AGPS: variants seen among roughly 807,000 people sequenced by gnomAD.
The protein encoded by AGPS is alkyldihydroxyacetonephosphate synthase, peroxisomal.
AGPS carries 26 observed loss-of-function variants against 90.7 expected under a neutral mutation model. That is an observed-to-expected ratio of 0.29 (90% CI 0.21 to 0.40). The LOEUF (loss-of-function observed/expected upper bound fraction) is 0.40, where lower values mean the gene tolerates loss of function less well. Among genes scored for constraint, AGPS ranks in the 10% least tolerant of loss-of-function variants. The pLI, the probability that AGPS is intolerant of heterozygous loss-of-function variation, is 1.00. For missense variants in AGPS, 540 were observed against 816.1 expected, an observed-to-expected ratio of 0.66 and a Z score of 4.12; for synonymous variants, 294 against 285.3, an observed-to-expected ratio of 1.03 and a Z score of -0.31.
Position 177,538,909 on chromosome 2 carries a change from A to T in AGPS, c.*714A>T, listed in dbSNP as rs2079207483. 6.6e-6 allele frequency: 1 copy of T among 152,032 alleles called. No individual in the cohort carries two copies. The highest frequency in any genetic ancestry group is 1.5e-5 in the Non-Finnish European group (1 of 67,954). The allele number at this position is 152,032 out of a possible 1,614,324, so 9.4% of individuals were successfully genotyped here. ...TATTGTTATATTCTAATTCATTGAT[A>T]ATATGTTTTGTAAGAAAAGCTGACA... On this transcript the variant is annotated 3_prime_UTR_variant, in exon 20 of 20. Coordinates refer to ENST00000264167, the MANE Select transcript of AGPS (RefSeq NM_003659.4).
intron 12 of AGPS, among the ~76,000 whole-genome samples, chr2:177,496,610 A>G (rs1034435632): frequency 5.9e-5 from 9 of 152,106 alleles, no homozygotes; most frequent in African/African-American, 2.2e-4. Context: ...TTAATGCCTC[A>G]GGTATAGCAT....
At chr2:177,528,912 A>G (rs1192171333) in intron 19 of AGPS, among the ~76,000 whole-genome samples, 1 of 132,986 alleles carries the variant, frequency 7.5e-6, no homozygotes, top group Non-Finnish European at 1.5e-5. Context: ...CTGGAGTGCA[A>G]TGGTGTGATC....
Position 177,466,527 on chromosome 2 carries a change from C to G in AGPS, c.997-1889C>G, listed in dbSNP as rs1687453322. On this transcript the variant is annotated intron_variant, in intron 9 of 19. Coordinates refer to ENST00000264167, the MANE Select transcript of AGPS (RefSeq NM_003659.4). ...CTGCCTCCTGCCACTGTTTATGGTGCCCAGATGCCCAGGCTGTTCGTGCTA... is the reference window on the plus strand; with the variant it reads ...CTGCCTCCTGCCACTGTTTATGGTGGCCAGATGCCCAGGCTGTTCGTGCTA... 2.0e-5 allele frequency among the ~76,000 whole-genome samples: 3 copies of G among 152,322 alleles called. No homozygotes were observed. The South Asian group carries it at 6.2e-4, about 32-fold the overall frequency.
chr2:177,463,739 T>A (rs560795182), intron 9 of AGPS, among the ~76,000 whole-genome samples: 167 of 152,264 alleles, frequency 1.1e-3, no homozygotes, highest in African/African-American at 3.9e-3. Flanking sequence ...GGGGAGAAAA[T>A]TTGATCCTTT....
At chr2:177,535,797 T>C (rs1053430627) in intron 19 of AGPS, among the ~76,000 whole-genome samples, 3 of 152,128 alleles carry the variant, frequency 2.0e-5, no homozygotes, top group Non-Finnish European at 4.4e-5. Context: ...CATTTCAAAT[T>C]CTGTTATCAG....
chr2:177,534,723 A>G (rs997608279), intron 19 of AGPS, among the ~76,000 whole-genome samples: 2 of 151,222 alleles, frequency 1.3e-5, no homozygotes, highest in Non-Finnish European at 3.0e-5. Flanking sequence ...AGTAGCTGAG[A>G]CTGCAGATGC....
At chr2:177,471,323 C>T (rs1687618075) in intron 10 of AGPS, among the ~76,000 whole-genome samples, 1 of 152,086 alleles carries the variant, frequency 6.6e-6, no homozygotes, top group Non-Finnish European at 1.5e-5. Flanking sequence ...TATCCAAAAA[C>T]CTATTTTCTC....
intron 19 of AGPS, among the ~76,000 whole-genome samples, chr2:177,528,849 CTTTTTT>C (rs71008000): frequency 2.5e-5 from 2 of 79,142 alleles, no homozygotes; most frequent in Non-Finnish European, 4.4e-5. Context: ...CATATTAATC[CTTTTTT>C]TTTTTTTTTT....
intron 10 of AGPS, among the ~76,000 whole-genome samples, chr2:177,480,315 T>G (rs1287957675): frequency 4.0e-5 from 6 of 151,882 alleles, no homozygotes; most frequent in Admixed American, 1.3e-4. Context: ...TAGCAAAGAC[T>G]TGGAACCAAC....
In AGPS at chr2:177,539,555, G is replaced by A. The variant is rs1266355194; in HGVS notation, c.*1360G>A. The A allele has an allele frequency of 2.6e-5, 4 of 151,976 alleles. No homozygotes were observed. The allele number at this position is 151,976 out of a possible 1,614,324, so 9.4% of individuals were successfully genotyped here. On this transcript the variant is annotated 3_prime_UTR_variant, in exon 20 of 20. Transcript: ENST00000264167. ...TTGATCAGATAATGTAAGTCAAAAT[G>A]CAGACGATCCTTTAAAAGGATGCAT...
intron 1 of AGPS, among the ~76,000 whole-genome samples, chr2:177,403,616 A>C (rs1685388551): frequency 1.3e-5 from 2 of 152,242 alleles, no homozygotes; most frequent in Admixed American, 6.5e-5. Context: ...GTTGCAGAAA[A>C]AAATAGAAAA....
chr2:177,525,486 G>A (rs1452431616), intron 19 of AGPS, among the ~76,000 whole-genome samples: 1 of 152,136 alleles, frequency 6.6e-6, no homozygotes, highest in Non-Finnish European at 1.5e-5. Context: ...CCTTTGGTAT[G>A]TGTCAGCAGC....
At chr2:177,462,839 G>A (rs1269525801) in intron 9 of AGPS, among the ~76,000 whole-genome samples, 1 of 152,158 alleles carries the variant, frequency 6.6e-6, no homozygotes, top group Non-Finnish European at 1.5e-5. Flanking sequence ...AGGGACTTGA[G>A]TACTATGGAT....
At chr2:177,519,856 G>A (rs1232779224) in intron 17 of AGPS, among the ~76,000 whole-genome samples, 2 of 152,186 alleles carry the variant, frequency 1.3e-5, no homozygotes, top group Non-Finnish European at 2.9e-5. Flanking sequence ...GCAAAGTAAA[G>A]GAATAAAAGA....
chr2:177,538,461 C>A lies in AGPS; in HGVS notation c.*266C>A. On this transcript the variant is annotated 3_prime_UTR_variant, in exon 20 of 20. Coordinates refer to ENST00000264167, the MANE Select transcript of AGPS (RefSeq NM_003659.4). ...TTTTAGTCAGGCAGCACAAAGCTGTCAATTATTCCAGAGGAAGCTGCTGCC... is the reference window on the plus strand; with the variant it reads ...TTTTAGTCAGGCAGCACAAAGCTGTAAATTATTCCAGAGGAAGCTGCTGCC... 1 of 439,756 alleles carries A rather than the reference C, an allele frequency of 2.3e-6. No homozygotes were observed. Among genetic ancestry groups the A allele is most frequent in the Non-Finnish European group, 4.1e-6 (1 of 242,854 alleles). The allele number at this position is 439,756 out of a possible 1,614,324, so 27.2% of individuals were successfully genotyped here.
chr2:177,527,319 TC>T (rs1457183493), intron 19 of AGPS, among the ~76,000 whole-genome samples: 2 of 152,040 alleles, frequency 1.3e-5, no homozygotes, highest in Non-Finnish European at 2.9e-5. Context: ...TCCCAGCTAC[TC>T]AGGAGGCTGA....
At chr2:177,412,047 C>G (rs567608147) in intron 1 of AGPS, among the ~76,000 whole-genome samples, 14 of 152,206 alleles carry the variant, frequency 9.2e-5, no homozygotes, top group African/African-American at 2.9e-4. Flanking sequence ...ACACGAGGGA[C>G]AAGACTCACT....
intron 2 of AGPS, among the ~76,000 whole-genome samples, chr2:177,421,679 A>G (rs568889773): frequency 1.7e-4 from 26 of 152,240 alleles, no homozygotes; most frequent in African/African-American, 6.3e-4. Context: ...TTAATATCAG[A>G]TTTACCAGTG....
At chr2:177,455,451 C>CT (rs961459898) in intron 8 of AGPS, among the ~76,000 whole-genome samples, 35 of 147,814 alleles carry the variant, frequency 2.4e-4, no homozygotes, top group African/African-American at 4.9e-4. Flanking sequence ...TGTTTGAAAA[C>CT]TTTTTTTTTT....
Sources: gnomAD v4.1 joint callset for allele counts (sites outside exome capture counted in the v4.1 genomes callset) on GRCh38, gnomAD v4.1.1 for gene constraint, MANE v1.5 for transcripts, NCBI Gene and HGNC (gene_info 2026-07-23, HGNC 2026-07-21) for gene names.